ICA1: variants seen among roughly 807,000 people sequenced by gnomAD.
ICA1 encodes islet cell autoantigen 1.
In ICA1, 40 loss-of-function variants were observed where a neutral mutation model predicts 71.0. That is an observed-to-expected ratio of 0.56 (90% CI 0.44 to 0.73). The LOEUF (loss-of-function observed/expected upper bound fraction) is 0.73, where lower values mean the gene tolerates loss of function less well. ICA1 is among the 30% of genes least tolerant of loss of function. The pLI is 0.00. For missense variants in ICA1, 578 were observed against 576.5 expected (o/e 1.00, Z -0.03); for synonymous variants, 207 against 209.5 (o/e 0.99, Z 0.10).
Position 8,168,722 on chromosome 7 carries a change from T to C in ICA1, c.580-10070A>G, listed in dbSNP as rs145799326. Reference sequence around the variant, plus strand: ...AACGCAGTAGAAAGAAATTAGCCCATCAAATTCCCTCAAGTGCACTGTGGT... The same window carrying C: ...AACGCAGTAGAAAGAAATTAGCCCACCAAATTCCCTCAAGTGCACTGTGGT... On this transcript the variant is annotated intron_variant, in intron 6 of 13. Transcript: ENST00000402384. 6.7e-4 allele frequency among the ~76,000 whole-genome samples: 102 copies of C among 152,266 alleles called. No individual in the cohort carries two copies. In the Middle Eastern group the frequency reaches 0.017, roughly 25 times the overall value.
chr7:8,167,647 T>C (rs565362274), intron 6 of ICA1, among the ~76,000 whole-genome samples: 94 of 152,214 alleles, frequency 6.2e-4, no homozygotes, highest in African/African-American at 1.8e-3. Context: ...AAAAAAAGCA[T>C]TATTAAACAA....
chr7:8,170,272 T>C (rs1354281703), intron 6 of ICA1, among the ~76,000 whole-genome samples: 1 of 152,092 alleles, frequency 6.6e-6, no homozygotes, highest in Non-Finnish European at 1.5e-5. Flanking sequence ...TGAAATCATG[T>C]AGTATAAATC....
intron 3 of ICA1, among the ~76,000 whole-genome samples, chr7:8,232,215 C>T (rs1339916935): frequency 2.6e-5 from 4 of 152,294 alleles, no homozygotes; most frequent in East Asian, 3.9e-4. Context: ...CTACTTTCCA[C>T]GACGTTTTAC....
chr7:8,243,537 A>G (rs1804777668), intron 1 of ICA1, among the ~76,000 whole-genome samples: 1 of 152,246 alleles, frequency 6.6e-6, no homozygotes, highest in Non-Finnish European at 1.5e-5. Flanking sequence ...CACCACTCCC[A>G]TTCAACATAG....
intron 6 of ICA1, among the ~76,000 whole-genome samples, chr7:8,203,152 A>C (rs1562978223): frequency 6.6e-6 from 1 of 152,244 alleles, no homozygotes; most frequent in Non-Finnish European, 1.5e-5. Context: ...AAAGGTTAGT[A>C]CTGATTCTAG....
At chr7:8,247,079 C>A (rs915457403) in intron 1 of ICA1, among the ~76,000 whole-genome samples, 8 of 152,068 alleles carry the variant, frequency 5.3e-5, no homozygotes, top group African/African-American at 1.9e-4. Context: ...GTGCTGAGTC[C>A]TCAATTTTAT....
chr7:8,186,299 G>A (rs1783897990), intron 6 of ICA1, among the ~76,000 whole-genome samples: 1 of 152,184 alleles, frequency 6.6e-6, no homozygotes, highest in Admixed American at 6.5e-5. Context: ...AGTGAAGCCT[G>A]GACAACAAAC....
intron 8 of ICA1, among the ~76,000 whole-genome samples, chr7:8,146,916 C>T (rs990223941): frequency 1.5e-3 from 225 of 150,056 alleles, no homozygotes; most frequent in African/African-American, 5.3e-3. Context: ...ACTCGCCTTT[C>T]GGTAGTTTTA....
chr7:8,157,149 T>A lies in ICA1; in HGVS notation c.771A>T (p.Lys257Asn). 1 of 1,613,746 alleles carries A rather than the reference T, an allele frequency of 6.2e-7. No individual in the cohort carries two copies. Among genetic ancestry groups the A allele is most frequent in the Non-Finnish European group, 8.5e-7 (1 of 1,179,926 alleles). The change falls in exon 8 of 14, where the codon AAA (lysine) becomes AAT (asparagine). Residue 257 changes from lysine (K) to asparagine (N), a missense_variant. By Grantham distance (94) the Lys-to-Asn change is moderately conservative. Coordinates refer to ENST00000402384, the MANE Select transcript of ICA1 (RefSeq NM_001136020.3). Reference sequence around the variant, plus strand: ...TAGTAAATTCATATGGTTGATAACCTTTGAAACTCTCATGGATGGCTGCCA... The same window carrying A: ...TAGTAAATTCATATGGTTGATAACCATTGAAACTCTCATGGATGGCTGCCA... ...HTMAAIHESF[K>N]GYQPYEFTTL...
intron 13 of ICA1, among the ~76,000 whole-genome samples, chr7:8,122,333 G>A (rs1038865449): frequency 6.6e-6 from 1 of 152,228 alleles, no homozygotes; most frequent in African/African-American, 2.4e-5. Context: ...ATGCTGAGGA[G>A]TTTAGACCTT....
At chr7:8,241,365 TGA>T (rs1803808691) in intron 1 of ICA1, among the ~76,000 whole-genome samples, 2 of 152,316 alleles carry the variant, frequency 1.3e-5, no homozygotes, top group East Asian at 3.9e-4. Context: ...AAGCAAATGC[TGA>T]GAGATTTTTG....
At chr7:8,221,469 A>C in intron 4 of ICA1, 71 bp from the exon 5 acceptor site, 1 of 1,541,434 alleles carries the variant, frequency 6.5e-7, no homozygotes, top group Non-Finnish European at 8.9e-7. Context: ...AAGAAAGACA[A>C]ATCACAAGGT....
In ICA1 at chr7:8,175,158, G is replaced by T. The variant is rs141338813; in HGVS notation, c.580-16506C>A. Reference sequence around the variant, plus strand: ...TAAAGCGGGGAGGGGCACAGAGTGGGCTGGCCAAGCTGATGCTTAACCTTG... The same window carrying T: ...TAAAGCGGGGAGGGGCACAGAGTGGTCTGGCCAAGCTGATGCTTAACCTTG... On this transcript the variant is annotated intron_variant, in intron 6 of 13. Coordinates refer to ENST00000402384, the MANE Select transcript of ICA1 (RefSeq NM_001136020.3). Among the ~76,000 whole-genome samples the T allele has an allele frequency of 2.0e-3, 305 of 152,266 alleles. 1 individual carries two copies. The highest frequency in any genetic ancestry group is 0.01 in the Middle Eastern group (3 of 294).
chr7:8,127,161 T>G (rs986214380), intron 13 of ICA1, among the ~76,000 whole-genome samples: 19 of 151,768 alleles, frequency 1.3e-4, no homozygotes, highest in South Asian at 6.3e-4. Flanking sequence ...TTTTTTTTTT[T>G]TGTATTTTTA....
At position 8,132,279 on chromosome 7, in the gene ICA1, T is replaced by C. The variant is rs1229553050; in HGVS notation, c.1061-4137A>G. ...CCCACCATTATTCAGATCCAGCACCTTTAGTCTTTCATTTTCCAATGCTTC... is the reference window on the plus strand; with the variant it reads ...CCCACCATTATTCAGATCCAGCACCCTTAGTCTTTCATTTTCCAATGCTTC... On this transcript the variant is annotated intron_variant, in intron 12 of 13. Transcript: ENST00000402384. The surrounding 1 kb of genome is among the most constrained non-coding windows in gnomAD (Gnocchi z 4.5). 6.6e-6 allele frequency among the ~76,000 whole-genome samples: 1 copy of C among 152,142 alleles called. No individual in the cohort carries two copies.
At chr7:8,256,834 G>A (rs1810399680) in intron 1 of ICA1, among the ~76,000 whole-genome samples, 1 of 152,166 alleles carries the variant, frequency 6.6e-6, no homozygotes, top group East Asian at 1.9e-4. Flanking sequence ...CTGGGCAAGG[G>A]GCAATAATTA....
Position 8,258,635 on chromosome 7 carries a change from T to C in ICA1, c.-80+3459A>G, listed in dbSNP as rs573346102. Among the ~76,000 whole-genome samples, 9 of 152,358 alleles carry C rather than the reference T, an allele frequency of 5.9e-5. No individual in the cohort carries two copies. The South Asian group carries it at 6.2e-4, about 11-fold the overall frequency. ...CTTAAGCAACTGGCCTACAGTCACA[T>C]AGTAGGCAGGCTTTGTTATAAAAAC... On this transcript the variant is annotated intron_variant, in intron 1 of 13. Coordinates refer to ENST00000402384, the MANE Select transcript of ICA1 (RefSeq NM_001136020.3).
intron 1 of ICA1, among the ~76,000 whole-genome samples, chr7:8,237,048 T>C (rs1184076227): frequency 2.6e-5 from 4 of 152,238 alleles, no homozygotes; most frequent in African/African-American, 4.8e-5. Flanking sequence ...AATTACGATG[T>C]GCAAATCCCA....
intron 6 of ICA1, among the ~76,000 whole-genome samples, chr7:8,191,342 A>T (rs1327584203): frequency 6.6e-6 from 1 of 152,214 alleles, no homozygotes; most frequent in African/African-American, 2.4e-5. Flanking sequence ...TGTTTGACTT[A>T]GAGTTTTTGA....
Sources: allele counts gnomAD v4.1 joint callset (sites outside exome capture counted in the v4.1 genomes callset), GRCh38; gene constraint gnomAD v4.1.1; non-coding constraint Gnocchi (gnomAD v3.1); transcripts MANE v1.5; gene names NCBI Gene and HGNC (gene_info 2026-07-23, HGNC 2026-07-21).